The following DSCAML1 variants were observed in gnomAD, a reference collection of about 807,000 sequenced individuals.
DSCAML1 encodes the protein DS cell adhesion molecule like 1, also known as cell adhesion molecule DSCAML1.
A neutral mutation model predicts 200.5 loss-of-function variants in DSCAML1; 38 were observed. The observed-to-expected ratio is 0.19, with a 90% CI of 0.15 to 0.25. DSCAML1 has a LOEUF of 0.25. Ranked by LOEUF, DSCAML1 falls within the 10% of genes least tolerant of loss-of-function variation. DSCAML1 has a pLI of 1.00. For missense variants in DSCAML1, 2,223 were observed against 2,858.8 expected (o/e 0.78, Z 5.07); for synonymous variants, 1,215 against 1,165.0 (o/e 1.04, Z -0.87).
At chr11:117,593,208 G>T (rs1033495717) in intron 3 of DSCAML1, among the ~76,000 whole-genome samples, 3 of 152,330 alleles carry the variant, frequency 2.0e-5, no homozygotes, top group African/African-American at 2.4e-5. Context: ...ATGCTTCAGG[G>T]TCACAGACTC....
At chr11:117,751,682 C>T (rs1396897772) in intron 3 of DSCAML1, among the ~76,000 whole-genome samples, 1 of 152,168 alleles carries the variant, frequency 6.6e-6, no homozygotes, top group African/African-American at 2.4e-5. Context: ...TGAAAACCCA[C>T]AGCCTCCTCA....
rs1315773167 is a variant in DSCAML1, at chr11:117,464,962, T to C, written c.3245A>G (p.Asn1082Ser). ...CTCACCATCCTCCAGAGTGGTGGCA[T>C]TGATCTCGCTGGAAGAGGGCCCCGT... ...AGTGPSSSEI[N>S]ATTLEDVPSQ... is the part of the protein sequence containing the mutation. Residue 1082 changes from asparagine (N) to serine (S), a missense_variant, in exon 17 of 33, where the codon AAT becomes AGT. Asn to Ser is a conservative substitution (Grantham distance 46, BLOSUM62 1). Around this residue, in one of 7 missense-constraint regions of DSCAML1, gnomAD observed 438 missense variants for 629.7 expected, o/e 0.70. Coordinates refer to ENST00000651296, the MANE Select transcript of DSCAML1 (RefSeq NM_020693.4). 1 of 1,614,044 alleles carries C rather than the reference T, an allele frequency of 6.2e-7. No homozygotes were observed. Among genetic ancestry groups the C allele is most frequent in the Non-Finnish European group, 8.5e-7 (1 of 1,179,996 alleles).
chr11:117,721,170 G>A (rs2054035379), intron 3 of DSCAML1, among the ~76,000 whole-genome samples: 1 of 152,156 alleles, frequency 6.6e-6, no homozygotes, highest in African/African-American at 2.4e-5. Flanking sequence ...ACCATGTTCT[G>A]CACACTTGGA....
intron 21 of DSCAML1, among the ~76,000 whole-genome samples, chr11:117,442,129 G>C (rs1055985009): frequency 6.6e-6 from 1 of 152,054 alleles, no homozygotes; most frequent in Non-Finnish European, 1.5e-5. Flanking sequence ...GAGTGTGCAC[G>C]TGTATGCATG....
intron 1 of DSCAML1, among the ~76,000 whole-genome samples, chr11:117,785,389 AG>A (rs1416605213): frequency 2.6e-5 from 4 of 152,134 alleles, no homozygotes; most frequent in East Asian, 1.9e-4. Flanking sequence ...TGGGGTGACA[AG>A]GGGGGGCACT....
chr11:117,785,105 T>C (rs2055326452), intron 1 of DSCAML1, among the ~76,000 whole-genome samples: 1 of 152,142 alleles, frequency 6.6e-6, no homozygotes, highest in South Asian at 2.1e-4. Flanking sequence ...AGGAGATATT[T>C]ACCAAGCACC....
At chr11:117,620,110 T>C (rs2051896107) in intron 3 of DSCAML1, among the ~76,000 whole-genome samples, 1 of 152,198 alleles carries the variant, frequency 6.6e-6, no homozygotes, top group Non-Finnish European at 1.5e-5. Context: ...CCTGGTGGAT[T>C]ACAGCCCAGT....
At chr11:117,454,667 T>C (rs903916628) in intron 19 of DSCAML1, among the ~76,000 whole-genome samples, 3 of 152,276 alleles carry the variant, frequency 2.0e-5, no homozygotes, top group Non-Finnish European at 4.4e-5. Context: ...TTTTATTGTA[T>C]GCCAGACACG....
intron 3 of DSCAML1, among the ~76,000 whole-genome samples, chr11:117,696,804 A>T (rs866096991): frequency 6.6e-6 from 1 of 152,332 alleles, no homozygotes; most frequent in East Asian, 1.9e-4. Flanking sequence ...CCACGAGCTT[A>T]GTGCTCACTA....
intron 1 of DSCAML1, among the ~76,000 whole-genome samples, chr11:117,811,319 C>T (rs1325305856): frequency 6.6e-6 from 1 of 152,132 alleles, no homozygotes; most frequent in Non-Finnish European, 1.5e-5. Flanking sequence ...CATTTTATTA[C>T]CCAATCTGCT....
At chr11:117,520,753 C>A (rs576776660) in intron 6 of DSCAML1, among the ~76,000 whole-genome samples, 1 of 152,136 alleles carries the variant, frequency 6.6e-6, no homozygotes, top group East Asian at 1.9e-4. Context: ...AAAAAATTAG[C>A]CAGGTGAACA....
intron 4 of DSCAML1, among the ~76,000 whole-genome samples, chr11:117,525,558 C>T (rs1390991887): frequency 1.3e-5 from 2 of 151,996 alleles, no homozygotes; most frequent in Non-Finnish European, 2.9e-5. Context: ...CTCCCAGGTT[C>T]AAGCAATTCT....
At position 117,428,192 on chromosome 11, in the gene DSCAML1, T is replaced by G; in HGVS notation, c.*136A>C. On this transcript the variant is annotated 3_prime_UTR_variant, in exon 33 of 33. Transcript: ENST00000651296. ...AAAGAGTTCTATGTACAGGCGTTCA[T>G]GATTGGGGGTTTTTGTTTTGTCGTT... 3 of 624,394 alleles carry G rather than the reference T, an allele frequency of 4.8e-6. No homozygotes were observed. The highest frequency in any genetic ancestry group is 2.9e-6 in the Non-Finnish European group (1 of 346,644). 38.7% of individuals were successfully genotyped at this position (624,394 alleles called of 1,614,324 possible).
At chr11:117,759,046 C>T (rs1259225346) in intron 3 of DSCAML1, among the ~76,000 whole-genome samples, 1 of 152,188 alleles carries the variant, frequency 6.6e-6, no homozygotes, top group Non-Finnish European at 1.5e-5. Context: ...TCTTTGTAAA[C>T]TCTGGCGATA....
In DSCAML1 at chr11:117,718,507, T is replaced by C. The variant is rs147706210; in HGVS notation, c.511+58284A>G. 5.3e-3 allele frequency among the ~76,000 whole-genome samples: 807 copies of C among 152,280 alleles called. 24 individuals carry two copies. The highest frequency in any genetic ancestry group is 0.044 in the Admixed American group (671 of 15,298). On this transcript the variant is annotated intron_variant, in intron 3 of 32. Coordinates refer to ENST00000651296, the MANE Select transcript of DSCAML1 (RefSeq NM_020693.4). ...TGAGGGTGAGGGGGCTGTGCAGCAG[T>C]AGACAATGAAAGTTTCCTCCTTGGT...
At chr11:117,605,403 C>T (rs1030140806) in intron 3 of DSCAML1, among the ~76,000 whole-genome samples, 14 of 152,156 alleles carry the variant, frequency 9.2e-5, no homozygotes, top group Admixed American at 5.2e-4. Flanking sequence ...CGCCCTCTGC[C>T]GCAAGCACAG....
At chr11:117,585,752 C>T (rs1328332379) in intron 3 of DSCAML1, among the ~76,000 whole-genome samples, 1 of 152,178 alleles carries the variant, frequency 6.6e-6, no homozygotes, top group Non-Finnish European at 1.5e-5. Flanking sequence ...GTGCCTCTGT[C>T]TGGGAGCACA....
At chr11:117,720,096 A>G (rs78080911) in intron 3 of DSCAML1, among the ~76,000 whole-genome samples, 6,102 of 152,086 alleles carry the variant, frequency 0.04, 236 homozygotes, top group African/African-American at 0.1. Flanking sequence ...GGAAGCTGGA[A>G]GGACAGAACC....
chr11:117,603,890 G>A (rs535411480), intron 3 of DSCAML1, among the ~76,000 whole-genome samples: 8 of 152,344 alleles, frequency 5.3e-5, no homozygotes, highest in Non-Finnish European at 8.8e-5. Context: ...AGCAGCTACC[G>A]TGTGCCAGGA....
Sources: gnomAD v4.1 joint callset for allele counts (sites outside exome capture counted in the v4.1 genomes callset) on GRCh38, gnomAD v4.1.1 for gene constraint, gnomAD v4.1.1 regional missense constraint, MANE v1.5 for transcripts, NCBI Gene and HGNC (gene_info 2026-07-23, HGNC 2026-07-21) for gene names.